The following SEC22A variants were observed in gnomAD, a reference collection of about 807,000 sequenced individuals.
The protein encoded by SEC22A is vesicle-trafficking protein SEC22a.
SEC22A carries 22 observed loss-of-function variants against 35.3 expected under a neutral mutation model. The ratio of observed to expected loss-of-function variants is 0.62; its 90% CI spans 0.45 to 0.89. The LOEUF (loss-of-function observed/expected upper bound fraction) is 0.89. Ranked by LOEUF, SEC22A falls within the 40% of genes least tolerant of loss-of-function variation. The probability of loss-of-function intolerance (pLI) is 0.00; values close to 1 mark genes in which losing one functional copy is unlikely to be tolerated. For synonymous variants in SEC22A, 119 were observed against 129.5 expected (o/e 0.92, Z 0.55); for missense variants, 354 against 362.5 (o/e 0.98, Z 0.19).
intron 2 of SEC22A, among the ~76,000 whole-genome samples, chr3:123,221,817 A>G (rs548936193): frequency 6.6e-6 from 1 of 152,360 alleles, no homozygotes; most frequent in East Asian, 1.9e-4. Context: ...AAAAGTTCAA[A>G]TAACACCTGT....
chr3:123,241,851 C>G (rs1937525932), intron 4 of SEC22A, among the ~76,000 whole-genome samples: 1 of 151,784 alleles, frequency 6.6e-6, no homozygotes, highest in African/African-American at 2.4e-5. Context: ...ATGGAGGGAA[C>G]TGGAGATCAT....
At chr3:123,203,138 G>A (rs1007371253) in intron 1 of SEC22A, among the ~76,000 whole-genome samples, 3 of 135,890 alleles carry the variant, frequency 2.2e-5, no homozygotes, top group African/African-American at 8.7e-5. Context: ...ATATGAAAGA[G>A]GCCTAGGTCT....
chr3:123,246,023 C>G lies in SEC22A; in HGVS notation c.657+9C>G, dbSNP rs369489674. ...TAGAAAGTCTCCTGCAGGTACTGTG[C>G]TATTTTTGCAATTTCAGGTGACTGT... On this transcript the variant is annotated intron_variant, in intron 5 of 6. Transcript: ENST00000492595. 12 of 1,493,546 alleles carry G rather than the reference C, an allele frequency of 8.0e-6. No individual in the cohort carries two copies. The African/African-American group carries it at 1.5e-4, about 19-fold the overall frequency. 92.5% of individuals were successfully genotyped at this position (1,493,546 alleles called of 1,614,324 possible).
intron 6 of SEC22A, among the ~76,000 whole-genome samples, chr3:123,266,750 A>G (rs1938036075): frequency 7.0e-6 from 1 of 142,206 alleles, no homozygotes; most frequent in South Asian, 2.2e-4. Context: ...CAGAATGTGT[A>G]TTCTGCTGTT....
At chr3:123,255,357 A>T (rs547849043) in intron 5 of SEC22A, among the ~76,000 whole-genome samples, 21 of 151,996 alleles carry the variant, frequency 1.4e-4, no homozygotes, top group Non-Finnish European at 2.9e-4. Flanking sequence ...TGTCCTTTAC[A>T]TAGTGGCATT....
intron 6 of SEC22A, among the ~76,000 whole-genome samples, chr3:123,259,951 G>A (rs968886112): frequency 7.2e-5 from 11 of 151,908 alleles, no homozygotes; most frequent in South Asian, 2.1e-4. Flanking sequence ...GGCCAACACG[G>A]TGAAACCTTG....
At position 123,225,315 on chromosome 3, in the gene SEC22A, G is replaced by T. The variant is rs1553709865; in HGVS notation, c.541+18G>T. On this transcript the variant is annotated intron_variant, in intron 4 of 6. Transcript: ENST00000492595. ...TTCTTCTGGTGAGTTCTGGATCTCA[G>T]TTATTTTATTTTAAAAAAATCCTTG... 1 of 1,460,480 alleles carries T rather than the reference G, an allele frequency of 6.8e-7. No homozygotes were observed. The highest frequency in any genetic ancestry group is 2.3e-5 in the East Asian group (1 of 43,446). The allele number at this position is 1,460,480 out of a possible 1,614,324, so 90.5% of individuals were successfully genotyped here.
intron 3 of SEC22A, 78 bp from the exon 4 acceptor site, chr3:123,225,025 T>C (rs1937196049): frequency 3.3e-6 from 3 of 900,082 alleles, no homozygotes; most frequent in African/African-American, 1.7e-5. Flanking sequence ...CTGTAATATT[T>C]ACTATCCATA....
chr3:123,223,590 ATGT>A lies in SEC22A; in HGVS notation c.218_220del (p.Leu73del). On this transcript the variant is annotated inframe_deletion, in exon 3 of 7. Coordinates refer to ENST00000492595, the MANE Select transcript of SEC22A (RefSeq NM_012430.5). Reference sequence around the variant, plus strand: ...TAGCTCTCTGGGAGTGAGCTACATGATGTTGTGCACTGAAAATTACCCAAATGT... The same window carrying A: ...TAGCTCTCTGGGAGTGAGCTACATGATGTGCACTGAAAATTACCCAAATGT... 1 of 1,613,844 alleles carries A rather than the reference ATGT, an allele frequency of 6.2e-7. No individual in the cohort carries two copies. The highest frequency in any genetic ancestry group is 8.5e-7 in the Non-Finnish European group (1 of 1,179,826).
intron 4 of SEC22A, among the ~76,000 whole-genome samples, chr3:123,229,875 AAAT>A (rs146856118): frequency 2.7e-5 from 4 of 150,858 alleles, no homozygotes; most frequent in African/African-American, 9.7e-5. Flanking sequence ...AAAAAAAAAT[AAAT>A]AATAATAATA....
chr3:123,260,266 A>G (rs1937859992), intron 6 of SEC22A, among the ~76,000 whole-genome samples: 1 of 151,884 alleles, frequency 6.6e-6, no homozygotes, highest in Non-Finnish European at 1.5e-5. Context: ...TGAATAGAGA[A>G]CAGCACAGTA....
Position 123,225,230 on chromosome 3 carries a change from G to C in SEC22A, c.474G>C (p.Leu158=). The C allele has an allele frequency of 6.2e-7, 1 of 1,613,622 alleles. No homozygotes were observed. The highest frequency in any genetic ancestry group is 1.7e-4 in the Middle Eastern group (1 of 6,060). The change falls in exon 4 of 7, where the codon CTG becomes CTC. Residue 158 remains leucine, a synonymous_variant. Coordinates refer to ENST00000492595, the MANE Select transcript of SEC22A (RefSeq NM_012430.5). ...CTTATCAAATTTCCATGTGCGAACT[G>C]GGGTCAGCCAATGGAGTCACATCAG... The part of the protein sequence containing the change: ...RPPYQISMCE[L]GSANGVTSAF...
At chr3:123,243,823 G>A (rs752410407) in intron 4 of SEC22A, 1 of 152,148 alleles carries the variant, frequency 6.6e-6, no homozygotes, top group Non-Finnish European at 1.5e-5. Context: ...AACTTTTGCA[G>A]AGTCTCCATA....
intron 4 of SEC22A, among the ~76,000 whole-genome samples, chr3:123,231,421 C>T (rs1473392365): frequency 6.6e-6 from 1 of 151,930 alleles, no homozygotes; most frequent in Non-Finnish European, 1.5e-5. Flanking sequence ...CTAAACAAAA[C>T]AAAAAGAAAA....
chr3:123,206,877 C>CAGG (rs1424662509), intron 1 of SEC22A, among the ~76,000 whole-genome samples: 2 of 152,164 alleles, frequency 1.3e-5, no homozygotes, highest in Non-Finnish European at 2.9e-5. Context: ...CACTTCAGGC[C>CAGG]AGGAGTTTGA....
At chr3:123,234,407 C>T (rs1382396057) in intron 4 of SEC22A, among the ~76,000 whole-genome samples, 1 of 152,092 alleles carries the variant, frequency 6.6e-6, no homozygotes, top group Non-Finnish European at 1.5e-5. Flanking sequence ...CTGTGTGGTT[C>T]TAGTTTAAGG....
intron 4 of SEC22A, among the ~76,000 whole-genome samples, chr3:123,228,574 C>A (rs1937255484): frequency 7.9e-6 from 1 of 126,992 alleles, no homozygotes; most frequent in Admixed American, 8.0e-5. Context: ...AAAACTCCAT[C>A]TCAAAAAAAA....
At chr3:123,263,189 C>T (rs1306837092) in intron 6 of SEC22A, among the ~76,000 whole-genome samples, 1 of 152,186 alleles carries the variant, frequency 6.6e-6, no homozygotes, top group South Asian at 2.1e-4. Flanking sequence ...GTTCAGAATG[C>T]TATAAGAAAA....
chr3:123,228,514 G>A (rs1937254321), intron 4 of SEC22A, among the ~76,000 whole-genome samples: 1 of 150,886 alleles, frequency 6.6e-6, no homozygotes, highest in African/African-American at 2.4e-5. Context: ...GGCGGAGGTG[G>A]CAGTGAGCTG....
Sources: gnomAD v4.1 joint callset for allele counts (sites outside exome capture counted in the v4.1 genomes callset) on GRCh38, gnomAD v4.1.1 for gene constraint, MANE v1.5 for transcripts, NCBI Gene and HGNC (gene_info 2026-07-23, HGNC 2026-07-21) for gene names.